NCAPD3: variants seen among roughly 807,000 people sequenced by gnomAD.
The protein encoded by NCAPD3 is condensin-2 complex subunit D3.
Under a neutral mutation model 182.9 loss-of-function variants are expected in NCAPD3, and 105 were observed. The ratio of observed to expected loss-of-function variants is 0.57; its 90% CI spans 0.49 to 0.68. The LOEUF (loss-of-function observed/expected upper bound fraction) is 0.68, where lower values mean the gene tolerates loss of function less well. Among genes scored for constraint, NCAPD3 ranks in the 30% least tolerant of loss-of-function variants. NCAPD3 has a pLI of 0.00. For missense variants in NCAPD3, 1,944 were observed against 1,837.0 expected (o/e 1.06, Z -1.07); for synonymous variants, 815 against 679.9 (o/e 1.20, Z -3.09).
chr11:134,187,375 T>A (rs941822593), intron 16 of NCAPD3, among the ~76,000 whole-genome samples: 1 of 152,206 alleles, frequency 6.6e-6, no homozygotes, highest in Non-Finnish European at 1.5e-5. Context: ...GGTGACCTCA[T>A]GCATTACCAA....
At chr11:134,183,187 C>T in intron 19 of NCAPD3, 1 of 456,160 alleles carries the variant, frequency 2.2e-6, no homozygotes, top group South Asian at 1.5e-5. Context: ...AAGTCAGAGG[C>T]CTTAGTTCTA....
chr11:134,209,540 T>TC (rs891723742), intron 4 of NCAPD3, 63 bp from the exon 5 acceptor site: 1 of 1,490,532 alleles, frequency 6.7e-7, no homozygotes, highest in Non-Finnish European at 9.1e-7. Context: ...CCCATGGTTT[T>TC]CAATTTACCC....
intron 23 of NCAPD3, 142 bp downstream of exon 23, chr11:134,177,077 A>G: frequency 3.0e-6 from 2 of 665,116 alleles, no homozygotes; most frequent in Non-Finnish European, 5.3e-6. Context: ...AAACATCAGA[A>G]GAGTAAAACT....
intron 24 of NCAPD3, among the ~76,000 whole-genome samples, chr11:134,172,638 G>C (rs991122851): frequency 4.6e-5 from 7 of 152,174 alleles, no homozygotes; most frequent in African/African-American, 1.7e-4. Context: ...AATCTGCTTA[G>C]TACTTGGCTG....
At chr11:134,185,612 A>G in intron 16 of NCAPD3, 86 bp from the exon 17 acceptor site, 1 of 1,130,940 alleles carries the variant, frequency 8.8e-7, no homozygotes, top group Non-Finnish European at 1.2e-6. Flanking sequence ...AAGGGTATCA[A>G]CTTCTGCTGC....
intron 7 of NCAPD3, among the ~76,000 whole-genome samples, chr11:134,207,839 A>G (rs1315466620): frequency 6.6e-6 from 1 of 152,130 alleles, no homozygotes; most frequent in Non-Finnish European, 1.5e-5. Context: ...AATATTTAAA[A>G]GGGCATGCGA....
chr11:134,188,883 CA>C (rs1944467951), intron 16 of NCAPD3, among the ~76,000 whole-genome samples: 1 of 152,160 alleles, frequency 6.6e-6, no homozygotes. Flanking sequence ...CAGAATGAGA[CA>C]CCAGGGATGT....
Position 134,211,706 on chromosome 11 carries a change from A to T in NCAPD3, c.383-1252T>A, listed in dbSNP as rs1027612380. Among the ~76,000 whole-genome samples the T allele has an allele frequency of 1.1e-4, 17 of 152,236 alleles. 1 individual carries two copies. In the South Asian group the frequency reaches 2.3e-3, roughly 20 times the overall value. On this transcript the variant is annotated intron_variant, in intron 3 of 34. Transcript: ENST00000534548. ...ATGAGGAGAGAAATGAAAAAAAAAA[A>T]TTTTAAAGAAGCAAACAGAACTTCC... is the stretch of plus-strand genomic sequence containing the variant.
intron 13 of NCAPD3, among the ~76,000 whole-genome samples, chr11:134,197,474 A>G (rs1033821847): frequency 3.9e-5 from 6 of 152,010 alleles, no homozygotes; most frequent in African/African-American, 1.2e-4. Context: ...ATGGGGTTTC[A>G]CCATGTTGGC....
intron 20 of NCAPD3, among the ~76,000 whole-genome samples, chr11:134,180,337 A>G (rs746481814): frequency 3.4e-4 from 52 of 152,154 alleles, no homozygotes; most frequent in Non-Finnish European, 6.5e-4. Flanking sequence ...GTGCTCCACT[A>G]ATTTAAACAT....
chr11:134,181,182 T>A lies in NCAPD3; in HGVS notation c.2454A>T (p.Glu818Asp), dbSNP rs1167069570. The change falls in exon 20 of 35, where the codon GAA becomes GAT. Residue 818 changes from glutamate (E) to aspartate (D), a missense_variant and splice_region_variant. This residue lies in a region of NCAPD3 where 1,803 missense variants were observed against 1,674.6 expected (regional missense o/e 1.08). Transcript: ENST00000534548. ...ASAETPAEEQ[E>D]LLTQVCGDVL... ...CATCCCCACACACCTGCGTCAGCAA[T>A]TCCTACGGCAAGTCAAAAGTCATCT... The A allele has an allele frequency of 6.2e-7, 1 of 1,612,430 alleles. No homozygotes were observed. The highest frequency in any genetic ancestry group is 2.2e-5 in the East Asian group (1 of 44,864).
At chr11:134,159,184 G>A (rs1038979533) in intron 29 of NCAPD3, among the ~76,000 whole-genome samples, 2 of 152,202 alleles carry the variant, frequency 1.3e-5, no homozygotes, top group African/African-American at 4.8e-5. Flanking sequence ...AGTCAGCAGC[G>A]AGGCTGCTGC....
intron 28 of NCAPD3, 93 bp downstream of exon 28, chr11:134,161,688 T>A (rs1274276955): frequency 5.2e-6 from 4 of 762,822 alleles, no homozygotes; most frequent in Non-Finnish European, 8.8e-6. Flanking sequence ...GTTCTAATCA[T>A]TCACGGATTG....
chr11:134,224,199 T>C, upstream of NCAPD3: 1 of 552,190 alleles, frequency 1.8e-6, no homozygotes, highest in Non-Finnish European at 3.2e-6. Flanking sequence ...AGTTAAACCC[T>C]AACAGCGTTT....
In NCAPD3 at chr11:134,152,041, T is replaced by TAATA. The variant is rs767047122; in HGVS notation, c.*899_*902dup. The TAATA allele has an allele frequency of 2.0e-5, 3 of 152,264 alleles. No individual in the cohort carries two copies. Among genetic ancestry groups the TAATA allele is most frequent in the Non-Finnish European group, 4.4e-5 (3 of 68,054 alleles). 9.4% of individuals were successfully genotyped at this position (152,264 alleles called of 1,614,324 possible). On this transcript the variant is annotated 3_prime_UTR_variant, in exon 35 of 35. Coordinates refer to ENST00000534548, the MANE Select transcript of NCAPD3 (RefSeq NM_015261.3). Reference sequence around the variant, plus strand: ...TCATCACTTTGTACTTTTGCTTTTGTAATACTGGGATTAAAAAACAAACCA... The same window carrying TAATA: ...TCATCACTTTGTACTTTTGCTTTTGTAATAAATACTGGGATTAAAAAACAAACCA...
At position 134,192,726 on chromosome 11, in the gene NCAPD3, G is replaced by A. The variant is rs1411131276; in HGVS notation, c.2008C>T (p.Leu670Phe). 9 of 1,614,214 alleles carry A rather than the reference G, an allele frequency of 5.6e-6. No individual in the cohort carries two copies. The highest frequency in any genetic ancestry group is 7.6e-6 in the Non-Finnish European group (9 of 1,180,040). ...CTTTCGGTGGTGAGGAGAGTAAGAA[G>A]CGCCCAGGCGAGGACCTGGCTGTCG... ...GDDSQVLAWALLTLLTTESQE... is the reference protein window; with the variant it reads ...GDDSQVLAWAFLTLLTTESQE... The change falls in exon 16 of 35, where the codon CTT (leucine) becomes TTT (phenylalanine). Residue 670 changes from leucine (L) to phenylalanine (F), a missense_variant. Coordinates refer to ENST00000534548, the MANE Select transcript of NCAPD3 (RefSeq NM_015261.3).
chr11:134,187,541 G>T (rs1281280655), intron 16 of NCAPD3, among the ~76,000 whole-genome samples: 4 of 152,146 alleles, frequency 2.6e-5, no homozygotes, highest in Non-Finnish European at 5.9e-5. Flanking sequence ...AGAGCCTTCT[G>T]GCCTCTGAGC....
rs1019234709 is a variant in NCAPD3 at position 134,151,106 on chromosome 11, C to A, written c.*1838G>T. ...AGCAAGGAGCTGCTGAGAAGGAGCACTCCACTGTGTGCCTGGAGAATGGCT... is the reference window on the plus strand; with the variant it reads ...AGCAAGGAGCTGCTGAGAAGGAGCAATCCACTGTGTGCCTGGAGAATGGCT... On this transcript the variant is annotated 3_prime_UTR_variant, in exon 35 of 35. Transcript: ENST00000534548. 7 of 152,260 alleles carry A rather than the reference C, an allele frequency of 4.6e-5. No individual in the cohort carries two copies. Among genetic ancestry groups the A allele is most frequent in the Non-Finnish European group, 1.0e-4 (7 of 68,058 alleles). 9.4% of individuals were successfully genotyped at this position (152,260 alleles called of 1,614,324 possible). A position where few individuals can be genotyped will look rare whatever the true frequency, so the allele number is the denominator to read the frequency against.
rs141425559 is a variant in NCAPD3, at chr11:134,179,409, C to T, written c.2560-473G>A. The stretch of plus-strand genomic sequence containing the variant: ...AATGATTACTTTGAATATTAGGCAT[C>T]GTTTCATGTCAATATGTATGACACA... On this transcript the variant is annotated intron_variant, in intron 20 of 34. Transcript: ENST00000534548. Among the ~76,000 whole-genome samples, 34 of 152,302 alleles carry T rather than the reference C, an allele frequency of 2.2e-4. No individual in the cohort carries two copies. The East Asian group carries it at 3.1e-3, about 14-fold the overall frequency.
Sources: allele counts gnomAD v4.1 joint callset (sites outside exome capture counted in the v4.1 genomes callset), GRCh38; gene constraint gnomAD v4.1.1; regional missense constraint gnomAD v4.1.1; transcripts MANE v1.5; gene names NCBI Gene and HGNC (gene_info 2026-07-23, HGNC 2026-07-21).